PAIP2B: variants seen among roughly 807,000 people sequenced by gnomAD.
PAIP2B encodes poly(A) binding protein interacting protein 2B, also known as polyadenylate-binding protein-interacting protein 2B.
In PAIP2B, 13 loss-of-function variants were observed where a neutral mutation model predicts 17.0. That is an observed-to-expected ratio of 0.76 (90% CI 0.50 to 1.22). The LOEUF is 1.22. Among genes scored for constraint, PAIP2B ranks in the 50% most tolerant of loss-of-function variants. The pLI is 0.00. For missense variants in PAIP2B, 117 were observed against 144.5 expected (o/e 0.81, Z 0.98); for synonymous variants, 43 against 48.7 (o/e 0.88, Z 0.48).
intron 1 of PAIP2B, among the ~76,000 whole-genome samples, chr2:71,224,494 C>T (rs1675671368): frequency 6.6e-6 from 1 of 151,986 alleles, no homozygotes; most frequent in African/African-American, 2.4e-5. Flanking sequence ...TTGGATGAGG[C>T]AGAGGCAGGC....
intron 2 of PAIP2B, among the ~76,000 whole-genome samples, chr2:71,201,640 C>T (rs190610971): frequency 5.4e-4 from 82 of 152,288 alleles, no homozygotes; most frequent in African/African-American, 1.9e-3. Flanking sequence ...CTTGGCCTCC[C>T]AAAGTGCTGG....
intron 2 of PAIP2B, among the ~76,000 whole-genome samples, chr2:71,198,025 C>A: frequency 6.6e-6 from 1 of 152,228 alleles, no homozygotes; most frequent in East Asian, 1.9e-4. Flanking sequence ...TTCAGGGATG[C>A]CAGTGATACA....
intron 2 of PAIP2B, among the ~76,000 whole-genome samples, chr2:71,198,372 G>A (rs1241974692): frequency 2.0e-5 from 3 of 149,464 alleles, no homozygotes; most frequent in Non-Finnish European, 4.4e-5. Flanking sequence ...TGCAAGCTCC[G>A]CCTCCTGGGT....
chr2:71,200,762 C>CA (rs1260561728), intron 2 of PAIP2B, among the ~76,000 whole-genome samples: 3 of 152,000 alleles, frequency 2.0e-5, no homozygotes, highest in Non-Finnish European at 4.4e-5. Context: ...CACAAACAAA[C>CA]AAACAAAAAA....
intron 3 of PAIP2B, among the ~76,000 whole-genome samples, chr2:71,189,518 G>C (rs1244654917): frequency 6.6e-6 from 1 of 152,186 alleles, no homozygotes; most frequent in East Asian, 1.9e-4. Flanking sequence ...AATGATATTT[G>C]AGAAGAAACT....
chr2:71,201,000 TGTGTGTGG>T (rs768102651), intron 2 of PAIP2B, among the ~76,000 whole-genome samples: 3,462 of 31,638 alleles, frequency 0.11, 121 homozygotes, highest in African/African-American at 0.24. Context: ...AATCTCTTTG[TGTGTGTGG>T]GTGTGTGTGT....
rs367888736 is a variant in PAIP2B, at chr2:71,202,473, A to G, written c.117T>C (p.Asn39=). 39 of 1,613,472 alleles carry G rather than the reference A, an allele frequency of 2.4e-5. No homozygotes were observed. Among genetic ancestry groups the G allele is most frequent in the Non-Finnish European group, 3.3e-5 (39 of 1,179,776 alleles). ...TTACCTGTCTGTTGAAATCCTCTTC[A>G]TTCTCCATCCACATGTACTCTGCAA... is the stretch of plus-strand genomic sequence containing the variant. The part of the protein sequence containing the change: ...NPFAEYMWME[N]EEDFNRQVEE... Residue 39 remains asparagine (N), a synonymous_variant, in exon 2 of 4, where the codon AAT becomes AAC. Coordinates refer to ENST00000244221, the MANE Select transcript of PAIP2B (RefSeq NM_020459.1).
At chr2:71,217,451 TG>T (rs1675457518) in intron 1 of PAIP2B, among the ~76,000 whole-genome samples, 2 of 152,242 alleles carry the variant, frequency 1.3e-5, no homozygotes, top group Admixed American at 6.5e-5. Context: ...CCTATATTTT[TG>T]GATTGCATTC....
intron 1 of PAIP2B, among the ~76,000 whole-genome samples, chr2:71,204,441 T>C (rs1466528713): frequency 6.6e-6 from 1 of 152,180 alleles, no homozygotes; most frequent in Non-Finnish European, 1.5e-5. Context: ...TTTTGCAATT[T>C]CCTAACCTGT....
At chr2:71,204,041 A>C (rs1218824137) in intron 1 of PAIP2B, among the ~76,000 whole-genome samples, 1 of 152,092 alleles carries the variant, frequency 6.6e-6, no homozygotes, top group African/African-American at 2.4e-5. Context: ...TCCCTTCTGT[A>C]CTTAGTACAG....
chr2:71,191,717 T>G (rs1674692082), intron 2 of PAIP2B, among the ~76,000 whole-genome samples: 1 of 152,314 alleles, frequency 6.6e-6, no homozygotes, highest in African/African-American at 2.4e-5. Flanking sequence ...CCATGGCCTT[T>G]GGTGCTCTCC....
intron 1 of PAIP2B, among the ~76,000 whole-genome samples, chr2:71,207,451 C>A (rs891830078): frequency 2.6e-5 from 4 of 152,048 alleles, no homozygotes; most frequent in African/African-American, 9.7e-5. Context: ...TAAGAGACCA[C>A]ATGAAGGATT....
chr2:71,226,214 C>T (rs1320808120), intron 1 of PAIP2B, among the ~76,000 whole-genome samples: 1 of 152,294 alleles, frequency 6.6e-6, no homozygotes, highest in East Asian at 1.9e-4. Context: ...CCAACCTTGC[C>T]AAACTCCCTG....
Position 71,195,067 on chromosome 2 carries a change from G to A in PAIP2B, c.139-5046C>T, listed in dbSNP as rs542394062. 3.9e-5 allele frequency among the ~76,000 whole-genome samples: 6 copies of A among 152,272 alleles called. No homozygotes were observed. In the South Asian group the frequency reaches 6.2e-4, roughly 16 times the overall value. ...GCATGTTGAACCAACCTGGCATCCC[G>A]GGGATGAAGCCTACTTAATCATTGT... On this transcript the variant is annotated intron_variant, in intron 2 of 3. Coordinates refer to ENST00000244221, the MANE Select transcript of PAIP2B (RefSeq NM_020459.1).
intron 1 of PAIP2B, among the ~76,000 whole-genome samples, chr2:71,219,040 C>A (rs1343106426): frequency 1.3e-5 from 2 of 150,078 alleles, no homozygotes; most frequent in African/African-American, 4.9e-5. Context: ...CTCAGCCTCC[C>A]GAGTAGCTGG....
At chr2:71,200,573 G>A (rs932196587) in intron 2 of PAIP2B, among the ~76,000 whole-genome samples, 4 of 152,126 alleles carry the variant, frequency 2.6e-5, no homozygotes, top group East Asian at 1.9e-4. Flanking sequence ...CCAACATGGC[G>A]AAACCCCATC....
intron 3 of PAIP2B, among the ~76,000 whole-genome samples, chr2:71,188,909 G>A: frequency 6.6e-6 from 1 of 151,342 alleles, no homozygotes; most frequent in Non-Finnish European, 1.5e-5. Flanking sequence ...ACTCTCTTTG[G>A]TTCTCTACTC....
At chr2:71,195,612 T>A (rs2103766474) in intron 2 of PAIP2B, among the ~76,000 whole-genome samples, 1 of 152,304 alleles carries the variant, frequency 6.6e-6, no homozygotes, top group South Asian at 2.1e-4. Flanking sequence ...TCTATTTTCT[T>A]CTTAATTACT....
intron 3 of PAIP2B, 122 bp from the exon 4 acceptor site, chr2:71,188,657 C>T: frequency 2.4e-6 from 2 of 821,772 alleles, no homozygotes; most frequent in Non-Finnish European, 4.0e-6. Flanking sequence ...CCTTGTAACT[C>T]AGGCTGTTAT....
Sources: gnomAD v4.1 joint callset for allele counts (sites outside exome capture counted in the v4.1 genomes callset) on GRCh38, gnomAD v4.1.1 for gene constraint, MANE v1.5 for transcripts, NCBI Gene and HGNC (gene_info 2026-07-23, HGNC 2026-07-21) for gene names.